RAPGEF4: variants seen among roughly 807,000 people sequenced by gnomAD.
RAPGEF4 encodes the protein Rap guanine nucleotide exchange factor 4, also known as RAP guanine-nucleotide-exchange factor (GEF) 4.
In RAPGEF4, 66 loss-of-function variants were observed where a neutral mutation model predicts 147.9. The observed-to-expected ratio is 0.45, with a 90% CI of 0.37 to 0.55. The LOEUF is 0.55. Among genes scored for constraint, RAPGEF4 ranks in the 20% least tolerant of loss-of-function variants. RAPGEF4 has a pLI of 0.00. For missense variants in RAPGEF4, 1,071 were observed against 1,257.3 expected, an observed-to-expected ratio of 0.85 and a Z score of 2.24; for synonymous variants, 419 against 442.7, an observed-to-expected ratio of 0.95 and a Z score of 0.67.
intron 26 of RAPGEF4, among the ~76,000 whole-genome samples, chr2:173,030,769 C>T (rs1015610623): frequency 2.6e-5 from 4 of 152,156 alleles, no homozygotes; most frequent in Admixed American, 6.5e-5. Flanking sequence ...CTTCTCTCCA[C>T]GGAGAGGAAC....
At chr2:172,893,226 C>T (rs1680751426) in intron 4 of RAPGEF4, among the ~76,000 whole-genome samples, 1 of 152,134 alleles carries the variant, frequency 6.6e-6, no homozygotes, top group Non-Finnish European at 1.5e-5. Flanking sequence ...GGATGAGAGC[C>T]AGTGGGACAG....
At chr2:172,840,089 T>C (rs1691414659) in intron 4 of RAPGEF4, among the ~76,000 whole-genome samples, 1 of 152,218 alleles carries the variant, frequency 6.6e-6, no homozygotes, top group African/African-American at 2.4e-5. Context: ...ACTTCCTCCA[T>C]TGAAACCTTT....
chr2:172,972,535 C>T (rs1690604313), intron 10 of RAPGEF4, among the ~76,000 whole-genome samples: 1 of 152,216 alleles, frequency 6.6e-6, no homozygotes, highest in Admixed American at 6.5e-5. Flanking sequence ...TGGTGACCTT[C>T]ACCTTGGTCT....
chr2:172,879,700 G>T (rs1025140126), intron 4 of RAPGEF4, among the ~76,000 whole-genome samples: 12 of 152,276 alleles, frequency 7.9e-5, no homozygotes, highest in Admixed American at 2.0e-4. Flanking sequence ...CTACTCAGAG[G>T]CTGAGGTGGG....
chr2:172,839,323 G>C (rs960537638), intron 4 of RAPGEF4, among the ~76,000 whole-genome samples: 2 of 152,172 alleles, frequency 1.3e-5, no homozygotes, highest in African/African-American at 4.8e-5. Flanking sequence ...TAAAAGAATG[G>C]CTAGTCCGTA....
chr2:172,984,848 T>C (rs1386072204), intron 11 of RAPGEF4, among the ~76,000 whole-genome samples: 9 of 152,116 alleles, frequency 5.9e-5, no homozygotes, highest in Admixed American at 2.0e-4. Flanking sequence ...TACCCAGGCA[T>C]AGAAAAATCT....
chr2:173,020,554 T>C (rs1268022192), intron 22 of RAPGEF4, 64 bp from the exon 23 acceptor site: 1 of 1,306,020 alleles, frequency 7.7e-7, no homozygotes, highest in Non-Finnish European at 1.1e-6. Context: ...GTTGGTGTGA[T>C]TAGGGCAGTG....
intron 4 of RAPGEF4, among the ~76,000 whole-genome samples, chr2:172,825,265 A>G (rs984230724): frequency 6.6e-6 from 1 of 152,250 alleles, no homozygotes; most frequent in South Asian, 2.1e-4. Context: ...AGCCTATTTT[A>G]TAATAAAGTG....
intron 1 of RAPGEF4, among the ~76,000 whole-genome samples, chr2:172,758,479 G>A (rs947254021): frequency 7.9e-5 from 12 of 152,306 alleles, no homozygotes; most frequent in Admixed American, 5.2e-4. Flanking sequence ...GGGGAAGGGG[G>A]ACAATGGTGG....
At chr2:173,033,845 G>T in intron 26 of RAPGEF4, 69 bp from the exon 27 acceptor site, 1 of 1,423,096 alleles carries the variant, frequency 7.0e-7, no homozygotes, top group South Asian at 1.2e-5. Context: ...CCCTAGAAAT[G>T]GTAACCCATG....
intron 16 of RAPGEF4, 42 bp downstream of exon 16, chr2:172,996,596 A>G: frequency 1.5e-6 from 2 of 1,343,528 alleles, no homozygotes; most frequent in Non-Finnish European, 2.1e-6. Context: ...AAATCCATGC[A>G]TAGCATTGTT....
rs1197820104 is a variant in RAPGEF4, at chr2:172,990,843, C to T, written c.1408C>T (p.His470Tyr). ...VEANTVRLKEHDQDVLVLEKV... is the reference protein window; with the variant it reads ...VEANTVRLKEYDQDVLVLEKV... ...GGCGAATACAGTCAGACTTAAAGAA[C>T]ATGACCAAGATGTCTTGGTGCTGGA... Residue 470 changes from histidine to tyrosine, a missense_variant, in exon 15 of 31, where the codon CAT becomes TAT. Physicochemically the swap from His to Tyr is moderately conservative, Grantham distance 83. Coordinates refer to ENST00000397081, the MANE Select transcript of RAPGEF4 (RefSeq NM_007023.4). The T allele has an allele frequency of 1.2e-6, 2 of 1,614,006 alleles. No homozygotes were observed. The highest frequency in any genetic ancestry group is 1.7e-6 in the Non-Finnish European group (2 of 1,179,942).
intron 4 of RAPGEF4, chr2:172,917,581 C>A: frequency 1.5e-6 from 1 of 682,502 alleles, no homozygotes; most frequent in Non-Finnish European, 2.7e-6. Flanking sequence ...GGAGATAGAA[C>A]CCCTGCCCCC....
At position 172,909,266 on chromosome 2, in the gene RAPGEF4, G is replaced by A. The variant is rs1005034324; in HGVS notation, c.445-8536G>A. On this transcript the variant is annotated intron_variant, in intron 4 of 30. Transcript: ENST00000397081. Reference sequence around the variant, plus strand: ...GTTGCTTGAGGCATGCATCCTCAAGGCCACCACGCAAGAGTTTTGGAGTAA... The same window carrying A: ...GTTGCTTGAGGCATGCATCCTCAAGACCACCACGCAAGAGTTTTGGAGTAA... Among the ~76,000 whole-genome samples, 8 of 152,148 alleles carry A rather than the reference G, an allele frequency of 5.3e-5. No individual in the cohort carries two copies. In the East Asian group the frequency reaches 1.5e-3, roughly 29 times the overall value.
chr2:172,790,611 T>C lies in RAPGEF4; in HGVS notation c.66-4414T>C, dbSNP rs74616514. ...ATCTTGACTGTCTCCCATCTGCTAA[T>C]AGTCACAGTCAAGGTGATCTTTCCA... is the stretch of plus-strand genomic sequence containing the variant. On this transcript the variant is annotated intron_variant, in intron 1 of 30. Coordinates refer to ENST00000397081, the MANE Select transcript of RAPGEF4 (RefSeq NM_007023.4). Among the ~76,000 whole-genome samples the C allele has an allele frequency of 5.9e-5, 9 of 152,304 alleles. 1 individual carries two copies. In the East Asian group the frequency reaches 1.7e-3, roughly 29 times the overall value.
chr2:172,895,053 G>A (rs936465394), intron 4 of RAPGEF4, among the ~76,000 whole-genome samples: 14 of 152,076 alleles, frequency 9.2e-5, no homozygotes, highest in Admixed American at 2.0e-4. Context: ...TGGTGTGTGA[G>A]GGAAGGTGGG....
chr2:172,907,496 T>C (rs908996719), intron 4 of RAPGEF4, among the ~76,000 whole-genome samples: 5 of 152,254 alleles, frequency 3.3e-5, no homozygotes, highest in African/African-American at 1.2e-4. Context: ...CTGGGCTTTC[T>C]CTCTTGTGCT....
At chr2:172,983,472 CT>C (rs59582070) in intron 10 of RAPGEF4, 23 bp from the exon 11 acceptor site, 84,612 of 1,194,822 alleles carry the variant, frequency 0.071, 17 homozygotes, top group East Asian at 0.19. Context: ...TTCCATATTC[CT>C]TTTTTTTTTT....
intron 26 of RAPGEF4, among the ~76,000 whole-genome samples, chr2:173,032,890 A>T (rs1326811240): frequency 6.6e-6 from 1 of 152,228 alleles, no homozygotes; most frequent in Non-Finnish European, 1.5e-5. Flanking sequence ...GCCTCCTCCC[A>T]GATGACCCAG....
Sources: gnomAD v4.1 joint callset for allele counts (sites outside exome capture counted in the v4.1 genomes callset) on GRCh38, gnomAD v4.1.1 for gene constraint, MANE v1.5 for transcripts, NCBI Gene and HGNC (gene_info 2026-07-23, HGNC 2026-07-21) for gene names.